Variants in SEZ6L2 observed in about 807,000 individuals in gnomAD.
The protein encoded by SEZ6L2 is seizure 6-like protein 2.
A neutral mutation model predicts 97.0 loss-of-function variants in SEZ6L2; 44 were observed. The observed-to-expected ratio is 0.45, with a 90% CI of 0.36 to 0.58. The LOEUF is 0.58. Among genes scored for constraint, SEZ6L2 ranks in the 20% least tolerant of loss-of-function variants. The probability of loss-of-function intolerance (pLI) is 0.00; values close to 1 mark genes in which losing one functional copy is unlikely to be tolerated. For synonymous variants in SEZ6L2, 543 were observed against 546.1 expected, an observed-to-expected ratio of 0.99 and a Z score of 0.08; for missense variants, 1,086 against 1,233.3, an observed-to-expected ratio of 0.88 and a Z score of 1.79.
chr16:29,872,782 A>G (rs368467084), intron 14 of SEZ6L2, 39 bp from the exon 15 acceptor site: 2 of 983,476 alleles, frequency 2.0e-6, no homozygotes, highest in Non-Finnish European at 3.0e-6. Flanking sequence ...GGTCTGAGCC[A>G]GGGAGGGGAG....
chr16:29,899,204 T>C lies in SEZ6L2; in HGVS notation c.-185A>G. ...TGGAGGGGCAGAATTGGGCTAGGGG[T>C]CGCCTGGAGCCCACCCCCCTTTGCT... On this transcript the variant is annotated 5_prime_UTR_variant, in exon 1 of 18. Transcript: ENST00000617533. 1 of 554,932 alleles carries C rather than the reference T, an allele frequency of 1.8e-6. No individual in the cohort carries two copies. 34.4% of individuals were successfully genotyped at this position (554,932 alleles called of 1,614,324 possible). A position where few individuals can be genotyped will look rare whatever the true frequency, so the allele number is the denominator to read the frequency against.
Position 29,895,265 on chromosome 16 carries a change from A to G in SEZ6L2, c.847T>C (p.Tyr283His). Reference protein sequence around the residue: ...VPRGGGFRIHYQAYLLSCGFP... With the variant: ...VPRGGGFRIHHQAYLLSCGFP... ...GCACCCTCAAACTCCTCACCCTGAT[A>G]GTGGATCCTGAAGCCACCGCCCCTT... Residue 283 changes from tyrosine (Y) to histidine (H), a missense_variant, in exon 5 of 18, where the codon TAT (tyrosine) becomes CAT (histidine). Tyr to His is a moderately conservative substitution (Grantham distance 83). Coordinates refer to ENST00000617533, the MANE Select transcript of SEZ6L2 (RefSeq NM_001243332.2). The G allele has an allele frequency of 1.2e-6, 2 of 1,611,568 alleles. No individual in the cohort carries two copies. The highest frequency in any genetic ancestry group is 1.7e-6 in the Non-Finnish European group (2 of 1,178,820).
chr16:29,875,409 C>T (rs922591561), intron 12 of SEZ6L2, among the ~76,000 whole-genome samples: 2 of 152,164 alleles, frequency 1.3e-5, no homozygotes, highest in African/African-American at 4.8e-5. Context: ...CCCTCCTGAG[C>T]CCGAGGCAGC....
intron 16 of SEZ6L2, 36 bp downstream of exon 16, chr16:29,872,373 C>T (rs1371767941): frequency 6.2e-7 from 1 of 1,610,120 alleles, no homozygotes; most frequent in Non-Finnish European, 8.5e-7. Context: ...CGCAAGACGT[C>T]TGCCCTGGCC....
In SEZ6L2 at chr16:29,876,217, A is replaced by C. The variant is rs1006178504; in HGVS notation, c.2104+539T>G. ...CTCCATAAGAGTATGGAGGGGCTTG[A>C]ACCCCCTTCGCCTAACCCCAACCCA... On this transcript the variant is annotated intron_variant, in intron 12 of 17. Coordinates refer to ENST00000617533, the MANE Select transcript of SEZ6L2 (RefSeq NM_001243332.2). The surrounding 1 kb of genome is among the most constrained non-coding windows in gnomAD (Gnocchi z 6.5). Among the ~76,000 whole-genome samples the C allele has an allele frequency of 6.6e-6, 1 of 152,156 alleles. No homozygotes were observed. Among genetic ancestry groups the C allele is most frequent in the Non-Finnish European group, 1.5e-5 (1 of 68,020 alleles).
Position 29,896,947 on chromosome 16 carries a change from G to T in SEZ6L2, c.386C>A (p.Thr129Asn). Residue 129 changes from threonine (T) to asparagine (N), a missense_variant, in exon 3 of 18, where the codon ACC (threonine) becomes AAC (asparagine). By Grantham distance (65) the Thr-to-Asn change is moderately conservative. Transcript: ENST00000617533. ...AGGGCTGGGTGGGGGTGGGGCTGTGGTTCCTGGGGGCGGGGTCAGCAGTTC... is the reference window on the plus strand; with the variant it reads ...AGGGCTGGGTGGGGGTGGGGCTGTGTTTCCTGGGGGCGGGGTCAGCAGTTC... Reference protein sequence around the residue: ...APELLTPPPGTTAPPPPSPAS... With the variant: ...APELLTPPPGNTAPPPPSPAS... The T allele has an allele frequency of 1.2e-6, 2 of 1,601,358 alleles. No individual in the cohort carries two copies. The highest frequency in any genetic ancestry group is 1.7e-6 in the Non-Finnish European group (2 of 1,174,612).
chr16:29,889,235 G>C (rs1187636437), intron 5 of SEZ6L2, among the ~76,000 whole-genome samples: 4 of 152,116 alleles, frequency 2.6e-5, no homozygotes, highest in Admixed American at 2.0e-4. Context: ...GAAGTCAGGA[G>C]TTCGAGACCA....
Position 29,888,591 on chromosome 16 carries a change from A to G in SEZ6L2, c.988T>C (p.Cys330Arg), listed in dbSNP as rs1359186673. ...CAGGATGGCCGGGTGCCATTGAGGC[A>G]GATGAGGGTCTCCTCTCCCTGCAGC... is the stretch of plus-strand genomic sequence containing the variant. ...YQLQGEETLI[C>R]LNGTRPSWNG... The change falls in exon 6 of 18, where the codon TGC (cysteine) becomes CGC (arginine). Residue 330 changes from cysteine (C) to arginine (R), a missense_variant. Transcript: ENST00000617533. 1 of 1,614,014 alleles carries G rather than the reference A, an allele frequency of 6.2e-7. No homozygotes were observed. The highest frequency in any genetic ancestry group is 8.5e-7 in the Non-Finnish European group (1 of 1,180,012).
intron 5 of SEZ6L2, among the ~76,000 whole-genome samples, chr16:29,890,324 G>A (rs1163611938): frequency 6.6e-6 from 1 of 152,156 alleles, no homozygotes; most frequent in African/African-American, 2.4e-5. Flanking sequence ...CTTGTCCTCA[G>A]GAGTCCATTG....
chr16:29,873,329 T>A lies in SEZ6L2; in HGVS notation c.2399A>T (p.Tyr800Phe). 1 of 1,614,194 alleles carries A rather than the reference T, an allele frequency of 6.2e-7. No individual in the cohort carries two copies. The highest frequency in any genetic ancestry group is 8.5e-7 in the Non-Finnish European group (1 of 1,180,028). Residue 800 changes from tyrosine to phenylalanine, a missense_variant, in exon 14 of 18, where the codon TAT (tyrosine) becomes TTT (phenylalanine). Transcript: ENST00000617533. The surrounding 1 kb of genome is among the most constrained non-coding windows in gnomAD (Gnocchi z 4.3). ...QAGESLRFFC[Y>F]EGFELIGEVT... ...CTCGCCGATAAGCTCAAAGCCCTCA[T>A]AGCAGAAGAAGCGCAGAGACTCGCC...
intron 12 of SEZ6L2, among the ~76,000 whole-genome samples, chr16:29,875,665 C>T (rs58787556): frequency 0.81 from 97,881 of 120,506 alleles, 40,982 homozygotes; most frequent in African/African-American, 0.96. Flanking sequence ...TTCTTTCTTT[C>T]TTTTTTTTTT....
chr16:29,893,026 C>T (rs933449237), intron 5 of SEZ6L2, among the ~76,000 whole-genome samples: 3 of 152,154 alleles, frequency 2.0e-5, no homozygotes, highest in African/African-American at 7.2e-5. Flanking sequence ...TTTCACTTTC[C>T]TGCTTAAAAC....
intron 8 of SEZ6L2, 112 bp downstream of exon 8, chr16:29,885,474 G>T (rs926916337): frequency 1.0e-4 from 124 of 1,188,074 alleles, no homozygotes; most frequent in Non-Finnish European, 1.3e-4. Context: ...ACGTTTCAAG[G>T]AACCCAGCAC....
chr16:29,888,747 T>C (rs1364531158), intron 5 of SEZ6L2, 22 bp from the exon 6 acceptor site: 2 of 1,593,556 alleles, frequency 1.3e-6, no homozygotes, highest in Non-Finnish European at 1.7e-6. Context: ...AGACAGCGGG[T>C]AGCAGGGCTC....
chr16:29,877,046 GTC>G (rs139403019), intron 11 of SEZ6L2, 96 bp from the exon 12 acceptor site: 48,090 of 993,514 alleles, frequency 0.048, no homozygotes, highest in South Asian at 0.09. Flanking sequence ...CCCGGGATCT[GTC>G]TCTCTCTCTC....
In SEZ6L2 at chr16:29,876,527, G is replaced by A. The variant is rs992355518; in HGVS notation, c.2104+229C>T. Among the ~76,000 whole-genome samples, 5 of 151,778 alleles carry A rather than the reference G, an allele frequency of 3.3e-5. No individual in the cohort carries two copies. Among genetic ancestry groups the A allele is most frequent in the South Asian group, 2.1e-4 (1 of 4,812 alleles). ...GAGCCCAGGTCGGTGCAAGAAAGAG[G>A]GATGCAGCCCGGAGAAGATGAGAGG... On this transcript the variant is annotated intron_variant, in intron 12 of 17. Coordinates refer to ENST00000617533, the MANE Select transcript of SEZ6L2 (RefSeq NM_001243332.2). This position sits in a 1 kb window ranked among gnomAD's most constrained non-coding sequence, Gnocchi z 6.5.
At chr16:29,877,209 C>A in intron 11 of SEZ6L2, 62 bp downstream of exon 11, 2 of 1,464,274 alleles carry the variant, frequency 1.4e-6, no homozygotes. Flanking sequence ...CACGACCGGC[C>A]ACCTCCCGGG....
At chr16:29,882,876 G>A (rs1430552666) in intron 8 of SEZ6L2, among the ~76,000 whole-genome samples, 1 of 152,104 alleles carries the variant, frequency 6.6e-6, no homozygotes, top group Admixed American at 6.6e-5. Context: ...GATTACAGGC[G>A]TTAGCCATTG....
chr16:29,893,184 A>G (rs2068307999), intron 5 of SEZ6L2, among the ~76,000 whole-genome samples: 1 of 150,306 alleles, frequency 6.7e-6, no homozygotes, highest in African/African-American at 2.5e-5. Flanking sequence ...GTTAGCCGGG[A>G]GTGGTGGGGC....
Sources: allele counts gnomAD v4.1 joint callset (sites outside exome capture counted in the v4.1 genomes callset), GRCh38; gene constraint gnomAD v4.1.1; non-coding constraint Gnocchi (gnomAD v3.1); transcripts MANE v1.5; gene names NCBI Gene and HGNC (gene_info 2026-07-23, HGNC 2026-07-21).